RAB30: variants seen among roughly 807,000 people sequenced by gnomAD.
RAB30 encodes the protein ras-related protein Rab-30.
A neutral mutation model predicts 25.1 loss-of-function variants in RAB30; 9 were observed. That is an observed-to-expected ratio of 0.36 (90% CI 0.22 to 0.63). RAB30 has a LOEUF of 0.63. RAB30 is among the 20% of genes least tolerant of loss of function. The pLI, the probability that RAB30 is intolerant of heterozygous loss-of-function variation, is 0.69. For synonymous variants in RAB30, 77 were observed against 86.4 expected, an observed-to-expected ratio of 0.89 and a Z score of 0.60; for missense variants, 140 against 243.5, an observed-to-expected ratio of 0.58 and a Z score of 2.83.
intron 1 of RAB30, among the ~76,000 whole-genome samples, chr11:83,050,629 T>C (rs770588135): frequency 2.0e-5 from 3 of 152,240 alleles, no homozygotes; most frequent in Non-Finnish European, 4.4e-5. Flanking sequence ...ATTATAGAGC[T>C]TTGTTTTAAA....
chr11:83,006,624 T>C (rs1691571612), intron 1 of RAB30, among the ~76,000 whole-genome samples: 1 of 152,202 alleles, frequency 6.6e-6, no homozygotes, highest in African/African-American at 2.4e-5. Context: ...ATTCAGTCTA[T>C]AGTAGTGCTT....
At chr11:83,011,975 G>C (rs1485784492) in intron 1 of RAB30, among the ~76,000 whole-genome samples, 1 of 152,130 alleles carries the variant, frequency 6.6e-6, no homozygotes, top group Non-Finnish European at 1.5e-5. Flanking sequence ...GCACAGGCTT[G>C]GATATGCACT....
intron 1 of RAB30, among the ~76,000 whole-genome samples, chr11:82,999,180 T>C (rs1412233352): frequency 6.6e-6 from 1 of 152,244 alleles, no homozygotes; most frequent in Non-Finnish European, 1.5e-5. Context: ...TTTCCATTTG[T>C]TTCTACAAGT....
chr11:83,001,514 T>C (rs1277923726), intron 1 of RAB30, among the ~76,000 whole-genome samples: 2 of 152,142 alleles, frequency 1.3e-5, no homozygotes, highest in East Asian at 3.8e-4. Context: ...TGGGTAAAAA[T>C]TGGTCTTTAA....
intron 1 of RAB30, among the ~76,000 whole-genome samples, chr11:83,049,631 G>A (rs1038197948): frequency 4.6e-5 from 7 of 151,674 alleles, no homozygotes; most frequent in Admixed American, 3.9e-4. Flanking sequence ...CAAGGTATAC[G>A]CCACCATGCC....
chr11:83,018,188 A>C (rs1387808132), intron 1 of RAB30, among the ~76,000 whole-genome samples: 1 of 151,560 alleles, frequency 6.6e-6, no homozygotes, highest in African/African-American at 2.4e-5. Flanking sequence ...AGTCCCAGCT[A>C]CTCGGGAGGC....
At chr11:82,996,949 T>C (rs1390121458) in intron 2 of RAB30, among the ~76,000 whole-genome samples, 1 of 152,216 alleles carries the variant, frequency 6.6e-6, no homozygotes, top group African/African-American at 2.4e-5. Flanking sequence ...TACTGCACAC[T>C]GACAGCAAAA....
chr11:83,048,533 GAGAC>G (rs1052202120), intron 1 of RAB30, among the ~76,000 whole-genome samples: 4 of 151,912 alleles, frequency 2.6e-5, no homozygotes, highest in African/African-American at 9.7e-5. Flanking sequence ...AACCAGAAGA[GAGAC>G]AGTTTAAATT....
chr11:83,008,647 G>A (rs990987149), intron 1 of RAB30, among the ~76,000 whole-genome samples: 1 of 152,100 alleles, frequency 6.6e-6, no homozygotes, highest in Non-Finnish European at 1.5e-5. Context: ...GCAGAAGATA[G>A]GGTACAAATT....
chr11:83,053,389 C>T (rs1001535283), intron 1 of RAB30, among the ~76,000 whole-genome samples: 5 of 152,172 alleles, frequency 3.3e-5, no homozygotes, highest in African/African-American at 1.2e-4. Flanking sequence ...TTTTGCCCCT[C>T]AACCTCCACT....
chr11:83,033,733 G>A (rs932550248), intron 1 of RAB30, among the ~76,000 whole-genome samples: 2 of 152,026 alleles, frequency 1.3e-5, no homozygotes, highest in Admixed American at 1.3e-4. Context: ...ACCACACTGG[G>A]AATTAAGAAA....
At chr11:83,051,135 C>T (rs1275644526) in intron 1 of RAB30, among the ~76,000 whole-genome samples, 1 of 152,134 alleles carries the variant, frequency 6.6e-6, no homozygotes, top group Non-Finnish European at 1.5e-5. Flanking sequence ...CCCATGGAAT[C>T]CTTCCATGTG....
At position 82,995,022 on chromosome 11, in the gene RAB30, A is replaced by T. The variant is rs183536353; in HGVS notation, c.94-900T>A. On this transcript the variant is annotated intron_variant, in intron 2 of 4. Coordinates refer to ENST00000527633, the MANE Select transcript of RAB30 (RefSeq NM_001286060.2). ...AAAGATGAGATTTTAACAAAGGTAC[A>T]AGTATAATTTATGCAATTTACTATT... Among the ~76,000 whole-genome samples, 81 of 152,378 alleles carry T rather than the reference A, an allele frequency of 5.3e-4. No homozygotes were observed. The East Asian group carries it at 0.012, about 22-fold the overall frequency.
chr11:82,984,582 G>A (rs925410987), intron 4 of RAB30, among the ~76,000 whole-genome samples: 1 of 152,092 alleles, frequency 6.6e-6, no homozygotes, highest in African/African-American at 2.4e-5. Flanking sequence ...TTGTGAGTCG[G>A]AACGCTAGCA....
At chr11:83,014,424 T>G (rs1353287795) in intron 1 of RAB30, among the ~76,000 whole-genome samples, 2 of 152,078 alleles carry the variant, frequency 1.3e-5, no homozygotes, top group African/African-American at 4.8e-5. Flanking sequence ...GGTACACACC[T>G]GTAGTCCCAG....
chr11:83,018,623 T>G (rs760543242), intron 1 of RAB30, among the ~76,000 whole-genome samples: 5 of 152,238 alleles, frequency 3.3e-5, no homozygotes, highest in South Asian at 2.1e-4. Flanking sequence ...TTGTGAGTAT[T>G]TTCTCCCACT....
At chr11:82,990,012 A>G (rs1856818783) in intron 3 of RAB30, among the ~76,000 whole-genome samples, 1 of 152,256 alleles carries the variant, frequency 6.6e-6, no homozygotes, top group African/African-American at 2.4e-5. Context: ...GGACACACAC[A>G]GTTAATTAAC....
intron 4 of RAB30, among the ~76,000 whole-genome samples, chr11:82,984,422 C>G (rs533899856): frequency 6.6e-6 from 1 of 152,266 alleles, no homozygotes; most frequent in Admixed American, 6.5e-5. Flanking sequence ...GGGTTGCGGA[C>G]TGGGTAGGAG....
chr11:82,984,192 G>A (rs1042704801), intron 4 of RAB30, among the ~76,000 whole-genome samples: 3 of 152,126 alleles, frequency 2.0e-5, no homozygotes, highest in African/African-American at 7.2e-5. Flanking sequence ...AATGACTTCT[G>A]GCCTGGGAAT....
Sources: allele counts gnomAD v4.1 joint callset (sites outside exome capture counted in the v4.1 genomes callset), GRCh38; gene constraint gnomAD v4.1.1; transcripts MANE v1.5; gene names NCBI Gene and HGNC (gene_info 2026-07-23, HGNC 2026-07-21).